Variants in NCAM2 observed in about 807,000 individuals in gnomAD.
NCAM2 encodes the protein N-CAM-2.
Under a neutral mutation model 98.1 loss-of-function variants are expected in NCAM2, and 30 were observed. The ratio of observed to expected loss-of-function variants is 0.31; its 90% CI spans 0.23 to 0.41. The LOEUF (loss-of-function observed/expected upper bound fraction) is 0.41, where lower values mean the gene tolerates loss of function less well. Among genes scored for constraint, NCAM2 ranks in the 10% least tolerant of loss-of-function variants. NCAM2 has a pLI of 1.00. For missense variants in NCAM2, 867 were observed against 1,005.8 expected (o/e 0.86, Z 1.87); for synonymous variants, 368 against 342.4 (o/e 1.07, Z -0.83).
intron 11 of NCAM2, among the ~76,000 whole-genome samples, chr21:21,423,357 G>A (rs1302756904): frequency 6.6e-6 from 1 of 152,082 alleles, no homozygotes; most frequent in African/African-American, 2.4e-5. Context: ...CAAGCACCCA[G>A]CACATGACAA....
chr21:21,107,983 G>A (rs1374317293), intron 1 of NCAM2, among the ~76,000 whole-genome samples: 2 of 151,904 alleles, frequency 1.3e-5, no homozygotes, highest in African/African-American at 4.8e-5. Flanking sequence ...AATATTCTTG[G>A]TGTACGTTGT....
chr21:21,289,516 T>C (rs1259178784), intron 4 of NCAM2, among the ~76,000 whole-genome samples: 2 of 151,834 alleles, frequency 1.3e-5, no homozygotes, highest in African/African-American at 4.8e-5. Context: ...CAAACGTCGG[T>C]GCGGAATTTT....
At chr21:21,181,198 A>C (rs1297342709) in intron 1 of NCAM2, among the ~76,000 whole-genome samples, 2 of 152,076 alleles carry the variant, frequency 1.3e-5, no homozygotes, top group Non-Finnish European at 2.9e-5. Flanking sequence ...GAAATAAGGG[A>C]ATATGGCAGT....
At chr21:21,391,951 A>T (rs1029971086) in intron 9 of NCAM2, among the ~76,000 whole-genome samples, 4 of 152,166 alleles carry the variant, frequency 2.6e-5, no homozygotes, top group Non-Finnish European at 5.9e-5. Context: ...TTTTTAAAAA[A>T]CTTTTAAATT....
intron 1 of NCAM2, among the ~76,000 whole-genome samples, chr21:21,115,492 A>G (rs955350162): frequency 6.6e-6 from 1 of 152,190 alleles, no homozygotes; most frequent in Non-Finnish European, 1.5e-5. Flanking sequence ...TTAGAATATT[A>G]GGTCCATCTT....
chr21:21,074,477 CAT>C (rs1204184951), intron 1 of NCAM2, among the ~76,000 whole-genome samples: 1 of 151,966 alleles, frequency 6.6e-6, no homozygotes. Flanking sequence ...GTGTATGACA[CAT>C]GTTAAGTGTA....
At chr21:21,352,324 G>A (rs769376733) in intron 8 of NCAM2, among the ~76,000 whole-genome samples, 8 of 152,002 alleles carry the variant, frequency 5.3e-5, no homozygotes, top group Non-Finnish European at 1.2e-4. Context: ...GTTTTGTCAT[G>A]TTGTTCAGGA....
intron 16 of NCAM2, among the ~76,000 whole-genome samples, chr21:21,528,678 G>A (rs1334490385): frequency 6.6e-6 from 1 of 151,996 alleles, no homozygotes; most frequent in African/African-American, 2.4e-5. Flanking sequence ...AAAAGAAAAA[G>A]AAAAACATTA....
chr21:21,298,628 TAGATGATA>T (rs947134368), intron 5 of NCAM2, among the ~76,000 whole-genome samples: 1 of 149,328 alleles, frequency 6.7e-6, no homozygotes, highest in African/African-American at 2.4e-5. Flanking sequence ...GATAGATAGA[TAGATGATA>T]GATAGAGATA....
chr21:21,429,552 G>A (rs183728642), intron 11 of NCAM2, among the ~76,000 whole-genome samples: 20 of 152,232 alleles, frequency 1.3e-4, no homozygotes, highest in Admixed American at 3.9e-4. Flanking sequence ...GGATCCGTGT[G>A]CATTTGTTTG....
In NCAM2 at chr21:21,495,438, A is replaced by G. The variant is rs573556474; in HGVS notation, c.2078-13413A>G. Among the ~76,000 whole-genome samples, 9 of 152,138 alleles carry G rather than the reference A, an allele frequency of 5.9e-5. No homozygotes were observed. In the South Asian group the frequency reaches 1.2e-3, roughly 21 times the overall value. On this transcript the variant is annotated intron_variant, in intron 15 of 17. Coordinates refer to ENST00000400546, the MANE Select transcript of NCAM2 (RefSeq NM_004540.5). ...AAGACTGGACAGACATTTAATAGCC[A>G]TTACCATAGCCCAGGCCGCCTCTAG...
chr21:21,494,424 A>C (rs1454498258), intron 15 of NCAM2, among the ~76,000 whole-genome samples: 1 of 151,986 alleles, frequency 6.6e-6, no homozygotes, highest in Non-Finnish European at 1.5e-5. Flanking sequence ...ACTAAAAATA[A>C]AATTATTCAG....
intron 12 of NCAM2, among the ~76,000 whole-genome samples, chr21:21,462,259 C>A (rs546242149): frequency 3.7e-4 from 56 of 152,136 alleles, no homozygotes; most frequent in Admixed American, 3.1e-3. Flanking sequence ...AGTTCTACAT[C>A]TGGGGAGACT....
chr21:21,148,442 A>G (rs1169139933), intron 1 of NCAM2, among the ~76,000 whole-genome samples: 13 of 152,230 alleles, frequency 8.5e-5, no homozygotes, highest in Admixed American at 7.9e-4. Context: ...TTTGTCATCA[A>G]ACAGCCTCTC....
chr21:21,106,343 A>G (rs1195649912), intron 1 of NCAM2, among the ~76,000 whole-genome samples: 1 of 148,810 alleles, frequency 6.7e-6, no homozygotes, highest in Non-Finnish European at 1.5e-5. Flanking sequence ...ACAGCCAAAT[A>G]TGATTATTTC....
chr21:21,364,460 A>G (rs1169520954), intron 8 of NCAM2, among the ~76,000 whole-genome samples: 1 of 151,732 alleles, frequency 6.6e-6, no homozygotes, highest in Non-Finnish European at 1.5e-5. Context: ...ATTTGCTATA[A>G]TAATATCAGC....
At chr21:21,455,588 G>A (rs1002549353) in intron 12 of NCAM2, among the ~76,000 whole-genome samples, 3 of 151,718 alleles carry the variant, frequency 2.0e-5, no homozygotes, top group African/African-American at 4.8e-5. Flanking sequence ...TCAAAATAAC[G>A]TGTAATCTTT....
chr21:21,350,032 C>T (rs1568964924), intron 8 of NCAM2, among the ~76,000 whole-genome samples: 1 of 151,858 alleles, frequency 6.6e-6, no homozygotes, highest in African/African-American at 2.4e-5. Context: ...TAGTTAATAC[C>T]AACTTAATTG....
intron 3 of NCAM2, among the ~76,000 whole-genome samples, chr21:21,284,652 G>T (rs1180890860): frequency 6.6e-6 from 1 of 151,398 alleles, no homozygotes; most frequent in Non-Finnish European, 1.5e-5. Flanking sequence ...AAGCCATTAA[G>T]AATTCACTGG....
Sources: gnomAD v4.1 joint callset for allele counts (sites outside exome capture counted in the v4.1 genomes callset) on GRCh38, gnomAD v4.1.1 for gene constraint, MANE v1.5 for transcripts, NCBI Gene and HGNC (gene_info 2026-07-23, HGNC 2026-07-21) for gene names.